The following DNAJA3 variants were observed in gnomAD, a reference collection of about 807,000 sequenced individuals.
DNAJA3 encodes the protein DnaJ heat shock protein family (Hsp40) member A3.
A neutral mutation model predicts 54.9 loss-of-function variants in DNAJA3; 29 were observed. The ratio of observed to expected loss-of-function variants is 0.53; its 90% CI spans 0.39 to 0.72. The LOEUF (loss-of-function observed/expected upper bound fraction) is 0.72, where lower values mean the gene tolerates loss of function less well. Ranked by LOEUF, DNAJA3 falls within the 30% of genes least tolerant of loss-of-function variation. The pLI is 0.00. For missense variants in DNAJA3, 708 were observed against 639.4 expected, an observed-to-expected ratio of 1.11 and a Z score of -1.16; for synonymous variants, 302 against 251.4, an observed-to-expected ratio of 1.20 and a Z score of -1.90.
In DNAJA3 at chr16:4,437,451, A is replaced by C; in HGVS notation, c.395A>C (p.Lys132Thr). 1 of 1,614,134 alleles carries C rather than the reference A, an allele frequency of 6.2e-7. No individual in the cohort carries two copies. The highest frequency in any genetic ancestry group is 8.5e-7 in the Non-Finnish European group (1 of 1,180,022). Residue 132 changes from lysine to threonine, a missense_variant, in exon 3 of 12, where the codon AAG becomes ACG. Lys to Thr is a moderately conservative substitution (Grantham distance 78). Coordinates refer to ENST00000262375, the MANE Select transcript of DNAJA3 (RefSeq NM_005147.6). ...PDTNKDDPKA[K>T]EKFSQLAEAY... The stretch of plus-strand genomic sequence containing the variant: ...ACAAATAAGGATGATCCCAAAGCCA[A>C]GGAGAAGTTCTCCCAGCTGGCAGAA...
intron 6 of DNAJA3, 32 bp downstream of exon 6, chr16:4,443,196 T>A: frequency 1.2e-6 from 2 of 1,612,366 alleles, no homozygotes; most frequent in South Asian, 2.2e-5. Context: ...GTCCAGGAGC[T>A]TGGAGAGGGC....
intron 10 of DNAJA3, among the ~76,000 whole-genome samples, chr16:4,452,329 T>G (rs1446572767): frequency 6.6e-6 from 1 of 151,976 alleles, no homozygotes; most frequent in East Asian, 1.9e-4. Flanking sequence ...ACAGCTGTCC[T>G]TCCCTCCTCC....
At chr16:4,426,609 GCT>G (rs1291287592) in intron 1 of DNAJA3, among the ~76,000 whole-genome samples, 1 of 152,188 alleles carries the variant, frequency 6.6e-6, no homozygotes, top group African/African-American at 2.4e-5. Context: ...CATAGTTTAC[GCT>G]CTTTCTACCA....
Position 4,450,294 on chromosome 16 carries a change from G to A in DNAJA3, c.1242-106G>A, listed in dbSNP as rs752494642. ...GCTCAGGGTGTCCGCCCCTGCCAAG[G>A]TTGGGTCCCTCTCTTCCCATGTGCT... On this transcript the variant is annotated intron_variant, in intron 9 of 11. Transcript: ENST00000262375. The A allele has an allele frequency of 5.0e-5, 43 of 861,112 alleles. 1 individual carries two copies. The highest frequency in any genetic ancestry group is 2.5e-4 in the African/African-American group (15 of 59,736). The allele number at this position is 861,112 out of a possible 1,614,324, so 53.3% of individuals were successfully genotyped here. A position where few individuals can be genotyped will look rare whatever the true frequency, so the allele number is the denominator to read the frequency against.
At chr16:4,440,562 G>C (rs566062845) in intron 3 of DNAJA3, 1 of 150,228 alleles carries the variant, frequency 6.7e-6, no homozygotes, top group Non-Finnish European at 1.5e-5. Flanking sequence ...CTGCACTCCA[G>C]CCTGGCGACA....
At chr16:4,433,195 C>T (rs897820767) in intron 1 of DNAJA3, 1 of 152,190 alleles carries the variant, frequency 6.6e-6, no homozygotes, top group African/African-American at 2.4e-5. Flanking sequence ...CTAAAACATC[C>T]TTGTTTCTTA....
At chr16:4,438,848 G>A (rs185505410) in intron 3 of DNAJA3, among the ~76,000 whole-genome samples, 250 of 151,960 alleles carry the variant, frequency 1.6e-3, no homozygotes, top group African/African-American at 5.8e-3. Context: ...CAGCCACGTA[G>A]AAGAACAGGC....
rs763977486 is a variant in DNAJA3, at chr16:4,425,949, C to T, written c.68C>T (p.Ser23Leu). ...VVGTPRLPAI[S>L]GRGARPPREG... ...GGGACCCCGCGGCTGCCGGCTATAT[C>T]GGGTAGAGGGGCCCGGCCGCCCAGG... Residue 23 changes from serine (S) to leucine (L), a missense_variant, in exon 1 of 12, where the codon TCG becomes TTG. By Grantham distance (145) the Ser-to-Leu change is moderately radical (BLOSUM62 -2). Coordinates refer to ENST00000262375, the MANE Select transcript of DNAJA3 (RefSeq NM_005147.6). 71 of 1,567,436 alleles carry T rather than the reference C, an allele frequency of 4.5e-5. 1 individual carries two copies. The African/African-American group carries it at 7.9e-4, about 17-fold the overall frequency.
intron 7 of DNAJA3, 128 bp downstream of exon 7, chr16:4,444,856 C>A: frequency 1.3e-6 from 1 of 782,680 alleles, no homozygotes; most frequent in Non-Finnish European, 2.1e-6. Context: ...CTGAGGGGCA[C>A]AGTGGCCACC....
At chr16:4,440,052 C>T (rs373129907) in intron 3 of DNAJA3, among the ~76,000 whole-genome samples, 1 of 152,246 alleles carries the variant, frequency 6.6e-6, no homozygotes, top group Admixed American at 6.5e-5. Context: ...ATCCTCCCAC[C>T]TCAGCCTCCC....
intron 8 of DNAJA3, 45 bp from the exon 9 acceptor site, chr16:4,448,688 A>G: frequency 3.5e-6 from 5 of 1,423,512 alleles, no homozygotes; most frequent in Non-Finnish European, 4.9e-6. Context: ...TTTTTATTTG[A>G]GCAACTGGGG....
At chr16:4,441,329 G>A (rs932803096) in intron 3 of DNAJA3, 46 bp from the exon 4 acceptor site, 2 of 1,556,202 alleles carry the variant, frequency 1.3e-6, no homozygotes, top group Admixed American at 3.7e-5. Flanking sequence ...GTATTCCTGG[G>A]CCTTGGTAGA....
At chr16:4,435,492 C>G (rs7184171) in intron 2 of DNAJA3, among the ~76,000 whole-genome samples, 1,825 of 152,218 alleles carry the variant, frequency 0.012, 44 homozygotes, top group African/African-American at 0.042. Flanking sequence ...TTCCATTGTC[C>G]TCTCTCCCCG....
chr16:4,455,291 C>T (rs961117416), intron 11 of DNAJA3, among the ~76,000 whole-genome samples: 4 of 152,180 alleles, frequency 2.6e-5, no homozygotes, highest in East Asian at 1.9e-4. Flanking sequence ...GATCTCCTCA[C>T]GTCCTGCCTG....
chr16:4,442,376 G>A lies in DNAJA3; in HGVS notation c.739G>A (p.Gly247Ser), dbSNP rs754957371. The A allele has an allele frequency of 1.3e-5, 21 of 1,608,662 alleles. No individual in the cohort carries two copies. The highest frequency in any genetic ancestry group is 7.8e-5 in the South Asian group (7 of 89,658). ...ERCNGKGNEP[G>S]TKVQHCHYCG... ...CTGCAACGGCAAGGGGAACGAGCCC[G>A]GCACCAAGGTGCAGCATTGCCACTA... The change falls in exon 5 of 12, where the codon GGC (glycine) becomes AGC (serine). Residue 247 changes from glycine (G) to serine (S), a missense_variant. Physicochemically the swap from Gly to Ser is moderately conservative, Grantham distance 56. Coordinates refer to ENST00000262375, the MANE Select transcript of DNAJA3 (RefSeq NM_005147.6).
rs201341693 is a variant in DNAJA3 at position 4,454,964 on chromosome 16, T to C, written c.*13+37T>C. On this transcript the variant is annotated intron_variant, in intron 11 of 11. Transcript: ENST00000262375. ...CTGGAGGTTTTTTTTCCCTTTGTTT[T>C]CCTCTGTGAACTAATCCTGGTTTTC... 2.1e-6 allele frequency: 3 copies of C among 1,421,010 alleles called. No homozygotes were observed. In the East Asian group the frequency reaches 7.1e-5, roughly 33 times the overall value. 88.0% of individuals were successfully genotyped at this position (1,421,010 alleles called of 1,614,324 possible). A position where few individuals can be genotyped will look rare whatever the true frequency, so the allele number is the denominator to read the frequency against.
intron 1 of DNAJA3, chr16:4,431,886 T>A (rs1278635845): frequency 1.3e-5 from 2 of 151,622 alleles, no homozygotes; most frequent in Non-Finnish European, 1.5e-5. Context: ...TGGCCTAGAG[T>A]TGTTTCTCAT....
At chr16:4,446,363 C>T (rs1036380624) in intron 7 of DNAJA3, among the ~76,000 whole-genome samples, 1 of 151,326 alleles carries the variant, frequency 6.6e-6, no homozygotes, top group East Asian at 1.9e-4. Context: ...TCTGCCTCAG[C>T]CTCCTGAGTA....
chr16:4,433,202 C>T (rs1472658215), intron 1 of DNAJA3: 3 of 152,348 alleles, frequency 2.0e-5, no homozygotes, highest in Non-Finnish European at 2.9e-5. Flanking sequence ...ATCCTTGTTT[C>T]TTAAGCAGTT....
Sources: allele counts gnomAD v4.1 joint callset (sites outside exome capture counted in the v4.1 genomes callset), GRCh38; gene constraint gnomAD v4.1.1; transcripts MANE v1.5; gene names NCBI Gene and HGNC (gene_info 2026-07-23, HGNC 2026-07-21).